The following ZNF618 variants were observed in gnomAD, a reference collection of about 807,000 sequenced individuals.
ZNF618 encodes zinc finger protein 618.
A neutral mutation model predicts 103.0 loss-of-function variants in ZNF618; 34 were observed. The ratio of observed to expected loss-of-function variants is 0.33; its 90% CI spans 0.25 to 0.44. The LOEUF (loss-of-function observed/expected upper bound fraction) is 0.44. ZNF618 is among the 20% of genes least tolerant of loss of function. ZNF618 has a pLI of 1.00. For synonymous variants in ZNF618, 551 were observed against 542.2 expected (o/e 1.02, Z -0.23); for missense variants, 1,059 against 1,295.4 (o/e 0.82, Z 2.80).
chr9:114,016,099 T>C, intron 9 of ZNF618: 1 of 1,596,800 alleles, frequency 6.3e-7, no homozygotes, highest in Non-Finnish European at 8.6e-7. Flanking sequence ...CAGTATTTTA[T>C]AATTTTCCCC....
chr9:114,031,194 G>A (rs1843997332), intron 11 of ZNF618, among the ~76,000 whole-genome samples: 1 of 152,182 alleles, frequency 6.6e-6, no homozygotes, highest in Non-Finnish European at 1.5e-5. Context: ...CTGGTCCAGT[G>A]CCTGGTACAT....
chr9:113,992,309 A>G (rs1349647208), intron 3 of ZNF618, among the ~76,000 whole-genome samples: 1 of 152,084 alleles, frequency 6.6e-6, no homozygotes. Context: ...AAAGGATGAG[A>G]GTTGCCCAGG....
intron 1 of ZNF618, among the ~76,000 whole-genome samples, chr9:113,960,695 T>A (rs1836761218): frequency 6.6e-6 from 1 of 152,234 alleles, no homozygotes; most frequent in African/African-American, 2.4e-5. Flanking sequence ...TCAATCACAA[T>A]GTCTCTGGGG....
At chr9:113,885,954 C>A (rs981464440) in intron 1 of ZNF618, among the ~76,000 whole-genome samples, 1 of 152,188 alleles carries the variant, frequency 6.6e-6, no homozygotes, top group Admixed American at 6.5e-5. Flanking sequence ...CTTGGCCCCC[C>A]AGTCTGCTAT....
At chr9:113,921,002 G>T (rs1197482864) in intron 1 of ZNF618, among the ~76,000 whole-genome samples, 1 of 152,216 alleles carries the variant, frequency 6.6e-6, no homozygotes, top group Non-Finnish European at 1.5e-5. Context: ...TAGCATGCAC[G>T]CTCCATCAGG....
chr9:113,959,833 T>TCCTGACCTCAGGTGATCCACCCG (rs1554737763), intron 1 of ZNF618, among the ~76,000 whole-genome samples: 1 of 152,178 alleles, frequency 6.6e-6, no homozygotes, highest in Admixed American at 6.5e-5. Context: ...GGTCTCGACC[T>TCCTGACCTCAGGTGATCCACCCG]CCTGACCTCA....
intron 4 of ZNF618, among the ~76,000 whole-genome samples, chr9:114,000,593 G>A (rs985579713): frequency 6.6e-6 from 1 of 152,002 alleles, no homozygotes; most frequent in Non-Finnish European, 1.5e-5. Flanking sequence ...ACCCCCCTGA[G>A]CTAAGGGATA....
At chr9:113,955,515 A>C (rs1024994717) in intron 1 of ZNF618, among the ~76,000 whole-genome samples, 1 of 152,046 alleles carries the variant, frequency 6.6e-6, no homozygotes, top group Non-Finnish European at 1.5e-5. Flanking sequence ...TTTGAAAAAA[A>C]TTCATGCAGT....
intron 1 of ZNF618, among the ~76,000 whole-genome samples, chr9:113,942,738 C>T (rs775163746): frequency 2.6e-5 from 4 of 152,188 alleles, no homozygotes; most frequent in Non-Finnish European, 5.9e-5. Flanking sequence ...GGTTGAATGA[C>T]AGTCAGTTCT....
chr9:114,055,288 G>C lies in ZNF618; in HGVS notation c.*5121G>C, dbSNP rs927872267. On this transcript the variant is annotated 3_prime_UTR_variant, in exon 15 of 15. Coordinates refer to ENST00000374126, the MANE Select transcript of ZNF618 (RefSeq NM_001318042.2). Reference sequence around the variant, plus strand: ...CCCTCCCGCCCAGCCAGGGTGGGCGGCATCCTACGCGGTGAAACGAGCTCA... The same window carrying C: ...CCCTCCCGCCCAGCCAGGGTGGGCGCCATCCTACGCGGTGAAACGAGCTCA... 1 of 152,346 alleles carries C rather than the reference G, an allele frequency of 6.6e-6. No individual in the cohort carries two copies. Among genetic ancestry groups the C allele is most frequent in the Non-Finnish European group, 1.5e-5 (1 of 68,022 alleles). The allele number at this position is 152,346 out of a possible 1,614,324, so 9.4% of individuals were successfully genotyped here. A position where few individuals can be genotyped will look rare whatever the true frequency, so the allele number is the denominator to read the frequency against.
At chr9:113,974,604 T>TC (rs1300641428) in intron 2 of ZNF618, among the ~76,000 whole-genome samples, 1 of 152,108 alleles carries the variant, frequency 6.6e-6, no homozygotes, top group East Asian at 1.9e-4. Context: ...ATTTTTTTTT[T>TC]CAGGCCTGAG....
chr9:114,028,691 G>A lies in ZNF618; in HGVS notation c.845-42G>A, dbSNP rs985734903. The A allele has an allele frequency of 4.0e-5, 61 of 1,529,246 alleles. No homozygotes were observed. In the Middle Eastern group the frequency reaches 1.0e-3, roughly 25 times the overall value. 94.7% of individuals were successfully genotyped at this position (1,529,246 alleles called of 1,614,324 possible). A position where few individuals can be genotyped will look rare whatever the true frequency, so the allele number is the denominator to read the frequency against. The stretch of plus-strand genomic sequence containing the variant: ...GGCCCGAGAGGCCACTCACTCTGCC[G>A]GCTGGGAGGGCCCTCGGGGACTGAG... On this transcript the variant is annotated intron_variant, in intron 10 of 14. Transcript: ENST00000374126.
At chr9:114,005,856 A>G (rs1564287342) in intron 6 of ZNF618, among the ~76,000 whole-genome samples, 2 of 152,318 alleles carry the variant, frequency 1.3e-5, no homozygotes, top group East Asian at 1.9e-4. Flanking sequence ...GCTCATCTAC[A>G]TCCCTTTCCC....
intron 3 of ZNF618, among the ~76,000 whole-genome samples, chr9:113,995,514 T>A (rs1840488124): frequency 1.3e-5 from 2 of 152,200 alleles, no homozygotes; most frequent in Non-Finnish European, 2.9e-5. Flanking sequence ...TCTTTTGGTT[T>A]TTGTAGGTCT....
intron 11 of ZNF618, among the ~76,000 whole-genome samples, chr9:114,029,414 C>T (rs375079207): frequency 5.9e-5 from 9 of 152,182 alleles, no homozygotes; most frequent in Non-Finnish European, 8.8e-5. Flanking sequence ...TACAGGACAA[C>T]GATTGGCTGC....
chr9:114,039,378 G>C (rs938977807), intron 13 of ZNF618, among the ~76,000 whole-genome samples: 1 of 139,036 alleles, frequency 7.2e-6, no homozygotes, highest in Non-Finnish European at 1.5e-5. Context: ...ACAGAGTCTC[G>C]ATCTGTCGCC....
At chr9:113,957,259 A>G (rs1419321792) in intron 1 of ZNF618, among the ~76,000 whole-genome samples, 2 of 152,244 alleles carry the variant, frequency 1.3e-5, no homozygotes, top group Admixed American at 1.3e-4. Context: ...GGCTGAGAAT[A>G]TTATAGACTC....
chr9:113,966,350 C>G (rs139348059), intron 1 of ZNF618, among the ~76,000 whole-genome samples: 1 of 152,198 alleles, frequency 6.6e-6, no homozygotes, highest in Admixed American at 6.5e-5. Context: ...GATGTTCTAA[C>G]TCTAAACTCT....
At position 113,976,512 on chromosome 9, in the gene ZNF618, C is replaced by G. The variant is rs112549549; in HGVS notation, c.77+7352C>G. Among the ~76,000 whole-genome samples, 1,497 of 152,256 alleles carry G rather than the reference C, an allele frequency of 9.8e-3. 18 individuals are homozygous for G. Among genetic ancestry groups the G allele is most frequent in the African/African-American group, 0.034 (1,396 of 41,522 alleles). On this transcript the variant is annotated intron_variant, in intron 2 of 14. Transcript: ENST00000374126. ...CTGCTGACAAAAGAGAACATGCTCA[C>G]CCTTGGCTGGAGCACCTTCCAGACT...
Sources: allele counts gnomAD v4.1 joint callset (sites outside exome capture counted in the v4.1 genomes callset), GRCh38; gene constraint gnomAD v4.1.1; transcripts MANE v1.5; gene names NCBI Gene and HGNC (gene_info 2026-07-23, HGNC 2026-07-21).